TRIOBP: variants seen among roughly 807,000 people sequenced by gnomAD.
TRIOBP encodes TRIO and F-actin-binding protein.
Under a neutral mutation model 238.8 loss-of-function variants are expected in TRIOBP, and 169 were observed. The observed-to-expected ratio is 0.71, with a 90% confidence interval of 0.62 to 0.80. The LOEUF (loss-of-function observed/expected upper bound fraction) is 0.80, where lower values mean the gene tolerates loss of function less well. Among genes scored for constraint, TRIOBP ranks in the 30% least tolerant of loss-of-function variants. The pLI is 0.00. For synonymous variants in TRIOBP, 1,150 were observed against 1,274.4 expected (o/e 0.90, Z 2.08); for missense variants, 2,838 against 3,122.6 (o/e 0.91, Z 2.17).
At chr22:37,742,542 C>T (rs1238323934) in intron 11 of TRIOBP, among the ~76,000 whole-genome samples, 2 of 152,162 alleles carry the variant, frequency 1.3e-5, no homozygotes, top group African/African-American at 4.8e-5. Flanking sequence ...GGATTACAGG[C>T]GTGAGTCACC....
intron 17 of TRIOBP, 128 bp from the exon 18 acceptor site, chr22:37,765,542 G>C: frequency 7.9e-7 from 1 of 1,264,544 alleles, no homozygotes; most frequent in Non-Finnish European, 1.1e-6. Context: ...AGCAGGTGCA[G>C]ACTGGAGGTG....
At chr22:37,765,531 G>A in intron 17 of TRIOBP, 139 bp from the exon 18 acceptor site, 1 of 1,117,888 alleles carries the variant, frequency 8.9e-7, no homozygotes, top group Non-Finnish European at 1.3e-6. Flanking sequence ...GTGGGAGCAG[G>A]AGCAGGTGCA....
intron 21 of TRIOBP, 72 bp downstream of exon 21, chr22:37,769,447 A>T: frequency 7.1e-7 from 1 of 1,405,532 alleles, no homozygotes; most frequent in Non-Finnish European, 9.7e-7. Context: ...CCCCCGCCAT[A>T]GGCTGGGTAT....
chr22:37,772,526 G>A, intron 22 of TRIOBP, 75 bp from the exon 23 acceptor site: 2 of 1,604,878 alleles, frequency 1.2e-6, no homozygotes, highest in Non-Finnish European at 1.7e-6. Flanking sequence ...CTGGCTGCTG[G>A]TGCTGCCCAT....
At position 37,758,088 on chromosome 22, in the gene TRIOBP, G is replaced by A. The variant is rs918925437; in HGVS notation, c.6163G>A (p.Gly2055Arg). The A allele has an allele frequency of 3.7e-6, 6 of 1,611,218 alleles. No homozygotes were observed. Among genetic ancestry groups the A allele is most frequent in the Non-Finnish European group, 5.1e-6 (6 of 1,179,902 alleles). ...PLTALLNQSR[G>R]ERRGPPSDGH... ...CACTGCCCTGCTCAACCAAAGCCGC[G>A]GAGAGCGCCGAGGGCCCCCAAGTGA... Residue 2055 changes from glycine to arginine, a missense_variant, in exon 16 of 24, where the codon GGA becomes AGA. By Grantham distance (125) the Gly-to-Arg change is moderately radical. Around this residue, in one of 5 missense-constraint regions of TRIOBP, gnomAD observed 2,096 missense variants for 2,137.4 expected, o/e 0.98. Coordinates refer to ENST00000644935, the MANE Select transcript of TRIOBP (RefSeq NM_001039141.3).
intron 22 of TRIOBP, 58 bp from the exon 23 acceptor site, chr22:37,772,543 G>T (rs1464111415): frequency 1.9e-6 from 3 of 1,611,658 alleles, no homozygotes; most frequent in African/African-American, 1.3e-5. Flanking sequence ...CCATGTGCCC[G>T]GTTGGCAGGG....
At position 37,757,714 on chromosome 22, in the gene TRIOBP, G is replaced by A. The variant is rs755965685; in HGVS notation, c.5789G>A (p.Arg1930Gln). The part of the protein sequence containing the change: ...EQRAGSEVIS[R>Q]GGPRKADGQR... ...CGGGCGGGCTCTGAGGTCATCAGCCGGGGTGGCCCTCGGAAGGCGGACGGG... is the reference window on the plus strand; with the variant it reads ...CGGGCGGGCTCTGAGGTCATCAGCCAGGGTGGCCCTCGGAAGGCGGACGGG... The change falls in exon 16 of 24, where the codon CGG becomes CAG. Residue 1930 changes from arginine (R) to glutamine (Q), a missense_variant. Arg to Gln is a conservative substitution (Grantham distance 43). Transcript: ENST00000644935. 80 of 1,579,570 alleles carry A rather than the reference G, an allele frequency of 5.1e-5. No homozygotes were observed. The highest frequency in any genetic ancestry group is 1.2e-4 in the East Asian group (5 of 43,028).
rs1287229445 is a variant in TRIOBP at position 37,723,488 on chromosome 22, G to A, written c.932G>A (p.Arg311Lys). 2.5e-6 allele frequency: 4 copies of A among 1,613,046 alleles called. No individual in the cohort carries two copies. The highest frequency in any genetic ancestry group is 3.4e-6 in the Non-Finnish European group (4 of 1,179,738). Residue 311 changes from arginine (R) to lysine (K), a missense_variant, in exon 7 of 24, where the codon AGG (arginine) becomes AAG (lysine). Coordinates refer to ENST00000644935, the MANE Select transcript of TRIOBP (RefSeq NM_001039141.3). Reference protein sequence around the residue: ...RASSTQQETSRASSTQEDTPR... With the variant: ...RASSTQQETSKASSTQEDTPR... ...TCATCCACCCAACAGGAAACCTCCA[G>A]GGCCTCATCCACCCAAGAGGACACC...
In TRIOBP at chr22:37,723,507, G is replaced by T. The variant is rs191880936; in HGVS notation, c.951G>T (p.Glu317Asp). 184 of 1,613,270 alleles carry T rather than the reference G, an allele frequency of 1.1e-4. 1 individual carries two copies. In the East Asian group the frequency reaches 4.0e-3, roughly 35 times the overall value. Residue 317 changes from glutamate to aspartate, a missense_variant, in exon 7 of 24, where the codon GAG becomes GAT. By Grantham distance (45) the Glu-to-Asp change is conservative (BLOSUM62 2). Transcript: ENST00000644935. ...QETSRASSTQ[E>D]DTPRASSTQE... ...CCTCCAGGGCCTCATCCACCCAAGA[G>T]GACACCCCTAGGGCCTCATCCACCC...
At chr22:37,752,389 G>C (rs1368680035) in intron 12 of TRIOBP, among the ~76,000 whole-genome samples, 1 of 152,216 alleles carries the variant, frequency 6.6e-6, no homozygotes, top group Non-Finnish European at 1.5e-5. Flanking sequence ...TGTGGGCTCA[G>C]CTAAAGACCC....
intron 4 of TRIOBP, among the ~76,000 whole-genome samples, chr22:37,711,399 C>T (rs1474531405): frequency 2.0e-5 from 3 of 151,686 alleles, no homozygotes; most frequent in African/African-American, 7.3e-5. Flanking sequence ...ACCAACATGG[C>T]GAAACCCTGT....
intron 17 of TRIOBP, among the ~76,000 whole-genome samples, chr22:37,761,660 C>T (rs1451421552): frequency 2.0e-5 from 3 of 152,084 alleles, no homozygotes; most frequent in South Asian, 2.1e-4. Flanking sequence ...ACCAGATCTA[C>T]GGAAGGCAGA....
chr22:37,698,979 A>G (rs1041445947), intron 2 of TRIOBP, among the ~76,000 whole-genome samples: 1 of 152,106 alleles, frequency 6.6e-6, no homozygotes, highest in Non-Finnish European at 1.5e-5. Context: ...CGTTGCTACT[A>G]AAAATACAAA....
chr22:37,730,214 C>T (rs1056665241), intron 7 of TRIOBP, among the ~76,000 whole-genome samples: 4 of 152,144 alleles, frequency 2.6e-5, no homozygotes, highest in Non-Finnish European at 4.4e-5. Flanking sequence ...CCGAAGGAAA[C>T]GTTTCCTTTG....
intron 12 of TRIOBP, among the ~76,000 whole-genome samples, chr22:37,754,005 G>A (rs1925770778): frequency 6.6e-6 from 1 of 152,264 alleles, no homozygotes; most frequent in East Asian, 1.9e-4. Context: ...TCTAACCCCA[G>A]CTGGAGCAGA....
At chr22:37,767,123 C>T (rs1308246577) in intron 18 of TRIOBP, among the ~76,000 whole-genome samples, 3 of 151,934 alleles carry the variant, frequency 2.0e-5, no homozygotes, top group African/African-American at 7.3e-5. Flanking sequence ...CGGTGGCAGG[C>T]GCGTGTAATC....
At chr22:37,712,454 C>T (rs1411770500) in intron 4 of TRIOBP, among the ~76,000 whole-genome samples, 1 of 152,080 alleles carries the variant, frequency 6.6e-6, no homozygotes, top group Admixed American at 6.5e-5. Flanking sequence ...GCCTCAGCCT[C>T]CTGAGTAGCT....
rs1231090434 is a variant in TRIOBP at position 37,750,544 on chromosome 22, AGGTG to A, written c.5323-1226_5323-1223del. On this transcript the variant is annotated intron_variant, in intron 11 of 23. Transcript: ENST00000644935. ...GATCGCCCTGGGCAGCCTCCGTCTC[AGGTG>A]GAAGACGGGGTGGGCAGAATACAGA... The A allele has an allele frequency of 9.2e-6, 4 of 435,994 alleles. No individual in the cohort carries two copies. The East Asian group carries it at 2.9e-4, about 31-fold the overall frequency. The allele number at this position is 435,994 out of a possible 1,614,324, so 27.0% of individuals were successfully genotyped here. A position where few individuals can be genotyped will look rare whatever the true frequency, so the allele number is the denominator to read the frequency against.
rs1000475846 is a variant in TRIOBP, at chr22:37,710,318, C to A, written c.115-109C>A. ...GGCAGCTCCTTGAGAAGTGCAGGAT[C>A]CCCCGAGGAGATGCCTGGAGACTCC... On this transcript the variant is annotated intron_variant, in intron 3 of 23. Coordinates refer to ENST00000644935, the MANE Select transcript of TRIOBP (RefSeq NM_001039141.3). 4 of 1,496,610 alleles carry A rather than the reference C, an allele frequency of 2.7e-6. No homozygotes were observed. The African/African-American group carries it at 4.1e-5, about 15-fold the overall frequency. The allele number at this position is 1,496,610 out of a possible 1,614,324, so 92.7% of individuals were successfully genotyped here.
Sources: gnomAD v4.1 joint callset for allele counts (sites outside exome capture counted in the v4.1 genomes callset) on GRCh38, gnomAD v4.1.1 for gene constraint, gnomAD v4.1.1 regional missense constraint, MANE v1.5 for transcripts, NCBI Gene and HGNC (gene_info 2026-07-23, HGNC 2026-07-21) for gene names.